The following SLC24A1 variants were observed in gnomAD, a reference collection of about 807,000 sequenced individuals.
The protein encoded by SLC24A1 is solute carrier family 24 member 1.
Under a neutral mutation model 88.1 loss-of-function variants are expected in SLC24A1, and 52 were observed. The ratio of observed to expected loss-of-function variants is 0.59; its 90% CI spans 0.47 to 0.74. The LOEUF (loss-of-function observed/expected upper bound fraction) is 0.74, where lower values mean the gene tolerates loss of function less well. Ranked by LOEUF, SLC24A1 falls within the 30% of genes least tolerant of loss-of-function variation. The pLI, the probability that SLC24A1 is intolerant of heterozygous loss-of-function variation, is 0.00. For synonymous variants in SLC24A1, 455 were observed against 498.0 expected (o/e 0.91, Z 1.15); for missense variants, 1,173 against 1,363.3 (o/e 0.86, Z 2.20).
Position 65,645,661 on chromosome 15 carries a change from T to A in SLC24A1, c.2190T>A (p.Val730=). The A allele has an allele frequency of 1.3e-6, 2 of 1,581,038 alleles. No individual in the cohort carries two copies. Among genetic ancestry groups the A allele is most frequent in the Non-Finnish European group, 1.7e-6 (2 of 1,163,414 alleles). ...CGGTCACGGTCACACCAGCCCCTGT[T>A]CCAGACATCAAGGGAGATCAGAAGG... The part of the protein sequence containing the change: ...LPAVTVTPAP[V]PDIKGDQKEN... The change falls in exon 6 of 10, where the codon GTT becomes GTA. Residue 730 remains valine, a synonymous_variant. Coordinates refer to ENST00000261892, the MANE Select transcript of SLC24A1 (RefSeq NM_004727.3).
chr15:65,642,781 GT>G (rs2075172774), intron 4 of SLC24A1: 3 of 345,088 alleles, frequency 8.7e-6, no homozygotes, highest in Middle Eastern at 1.0e-3. Context: ...CTAACTGAGA[GT>G]TTAGGAGACA....
At chr15:65,619,180 T>C (rs566517330), upstream of SLC24A1, among the ~76,000 whole-genome samples, 19 of 152,352 alleles carry the variant, frequency 1.2e-4, no homozygotes, top group Non-Finnish European at 8.8e-5. Flanking sequence ...TTTCCACAGA[T>C]TCTCTCACTG....
chr15:65,616,554 T>C (rs2074151795), intron 2 of SLC24A1, among the ~76,000 whole-genome samples: 1 of 152,248 alleles, frequency 6.6e-6, no homozygotes, highest in Non-Finnish European at 1.5e-5. Context: ...TTCATATCCT[T>C]TGCCCAGTTT....
chr15:65,656,469 C>T (rs1272750679), downstream of SLC24A1, among the ~76,000 whole-genome samples: 1 of 152,072 alleles, frequency 6.6e-6, no homozygotes, highest in Non-Finnish European at 1.5e-5. Flanking sequence ...TTGGTTATAC[C>T]TGGAAATTAA....
At chr15:65,632,213 CA>C (rs1289149505) in intron 2 of SLC24A1, among the ~76,000 whole-genome samples, 1 of 152,088 alleles carries the variant, frequency 6.6e-6, no homozygotes, top group African/African-American at 2.4e-5. Context: ...TGTAGGTGTG[CA>C]AGAGTGGAAG....
chr15:65,637,770 T>G (rs2074989545), intron 2 of SLC24A1, among the ~76,000 whole-genome samples: 1 of 152,050 alleles, frequency 6.6e-6, no homozygotes, highest in Admixed American at 6.6e-5. Flanking sequence ...AGGTGACACT[T>G]AAGTGGAGAC....
In SLC24A1 at chr15:65,625,380, C is replaced by T. The variant is rs1416069037; in HGVS notation, c.1300C>T (p.Leu434Phe). ...AGTGCTGCCTCCCAGCTTGCCAGACCTCCACCCCAAGGGAGAGTACCCCCC... is the reference window on the plus strand; with the variant it reads ...AGTGCTGCCTCCCAGCTTGCCAGACTTCCACCCCAAGGGAGAGTACCCCCC... ...PSVLPPSLPDLHPKGEYPPDL... is the reference protein window; with the variant it reads ...PSVLPPSLPDFHPKGEYPPDL... The change falls in exon 2 of 10, where the codon CTC becomes TTC. Residue 434 changes from leucine to phenylalanine, a missense_variant. Transcript: ENST00000261892. 1 of 1,614,048 alleles carries T rather than the reference C, an allele frequency of 6.2e-7. No individual in the cohort carries two copies. Among genetic ancestry groups the T allele is most frequent in the African/African-American group, 1.3e-5 (1 of 75,074 alleles).
At chr15:65,652,613 A>G in intron 8 of SLC24A1, 29 bp from the exon 9 acceptor site, 1 of 1,610,156 alleles carries the variant, frequency 6.2e-7, no homozygotes, top group Non-Finnish European at 8.5e-7. Context: ...CAGGTTTTTC[A>G]CCTACTGTTG....
intron 7 of SLC24A1, among the ~76,000 whole-genome samples, 178 bp downstream of exon 7, chr15:65,651,120 G>C (rs2075489867): frequency 6.6e-6 from 1 of 152,104 alleles, no homozygotes; most frequent in African/African-American, 2.4e-5. Context: ...GTGCTTAGGG[G>C]ACATACCACT....
Position 65,655,328 on chromosome 15 carries a change from C to A in SLC24A1, c.*1249C>A, listed in dbSNP as rs1196282925. ...TAGGATTATAAAGCAAGACTGATTT[C>A]TTCTGTGGTTTATGAATGGATCTTA... On this transcript the variant is annotated 3_prime_UTR_variant, in exon 10 of 10. Coordinates refer to ENST00000261892, the MANE Select transcript of SLC24A1 (RefSeq NM_004727.3). 11 of 985,126 alleles carry A rather than the reference C, an allele frequency of 1.1e-5. No individual in the cohort carries two copies. Among genetic ancestry groups the A allele is most frequent in the Non-Finnish European group, 1.3e-5 (11 of 829,770 alleles). The allele number at this position is 985,126 out of a possible 1,614,324, so 61.0% of individuals were successfully genotyped here.
In SLC24A1 at chr15:65,650,448, G is replaced by A; in HGVS notation, c.2299G>A (p.Gly767Ser). 2 of 1,551,740 alleles carry A rather than the reference G, an allele frequency of 1.3e-6. No individual in the cohort carries two copies. The highest frequency in any genetic ancestry group is 2.4e-5 in the South Asian group (2 of 84,058). ...PGEEGETAGE[G>S]ETEEKSGGET... is the part of the protein sequence containing the mutation. ...CGAAGAGGGCGAAACTGCTGGTGAAGGTGAAACTGAAGAGAAAAGTGGAGG... is the reference window on the plus strand; with the variant it reads ...CGAAGAGGGCGAAACTGCTGGTGAAAGTGAAACTGAAGAGAAAAGTGGAGG... The change falls in exon 7 of 10, where the codon GGT becomes AGT. Residue 767 changes from glycine (G) to serine (S), a missense_variant. Physicochemically the swap from Gly to Ser is moderately conservative, Grantham distance 56 (BLOSUM62 0). Coordinates refer to ENST00000261892, the MANE Select transcript of SLC24A1 (RefSeq NM_004727.3). The surrounding 1 kb of genome is among the most constrained non-coding windows in gnomAD (Gnocchi z 4.1).
At position 65,625,622 on chromosome 15, in the gene SLC24A1, C is replaced by T. The variant is rs372658740; in HGVS notation, c.1542C>T (p.Ile514=). The T allele has an allele frequency of 2.6e-4, 414 of 1,614,010 alleles. 3 individuals carry two copies. Among genetic ancestry groups the T allele is most frequent in the South Asian group, 1.1e-3 (103 of 91,086 alleles). ...GSAPELFTSL[I]GVFISHSNVG... ...CTCCTGAGCTCTTCACCTCCCTCAT[C>T]GGTGTCTTCATTTCCCACAGCAACG... The change falls in exon 2 of 10, where the codon ATC becomes ATT. Residue 514 remains isoleucine, a synonymous_variant. Transcript: ENST00000261892.
At chr15:65,643,032 T>C (rs1341379403) in intron 4 of SLC24A1, 2 of 1,289,120 alleles carry the variant, frequency 1.6e-6, no homozygotes. Flanking sequence ...TCAACTACTC[T>C]TGTCAATTTG....
Position 65,625,550 on chromosome 15 carries a change from C to T in SLC24A1, c.1470C>T (p.Ile490=). The T allele has an allele frequency of 6.2e-7, 1 of 1,614,046 alleles. No individual in the cohort carries two copies. The highest frequency in any genetic ancestry group is 8.5e-7 in the Non-Finnish European group (1 of 1,179,906). Residue 490 remains isoleucine (I), a synonymous_variant, in exon 2 of 10, where the codon ATC becomes ATT. Coordinates refer to ENST00000261892, the MANE Select transcript of SLC24A1 (RefSeq NM_004727.3). ...GTGTCATCACAGACAAGCTGCAGAT[C>T]TCCGAGGATGTGGCAGGCGCCACAT... The part of the protein sequence containing the change: ...ALGVITDKLQ[I]SEDVAGATFM...
upstream of SLC24A1, among the ~76,000 whole-genome samples, chr15:65,617,649 A>G (rs1178069765): frequency 6.6e-6 from 1 of 152,194 alleles, no homozygotes; most frequent in Admixed American, 6.5e-5. Context: ...GGTTTTCTAA[A>G]TATACAATCA....
rs764158828 is a variant in SLC24A1 at position 65,626,017 on chromosome 15, G to C, written c.1890+47G>C. 5.6e-6 allele frequency: 8 copies of C among 1,421,344 alleles called. No individual in the cohort carries two copies. In the African/African-American group the frequency reaches 1.1e-4, roughly 20 times the overall value. The allele number at this position is 1,421,344 out of a possible 1,614,324, so 88.0% of individuals were successfully genotyped here. A position where few individuals can be genotyped will look rare whatever the true frequency, so the allele number is the denominator to read the frequency against. On this transcript the variant is annotated intron_variant, in intron 2 of 9. Coordinates refer to ENST00000261892, the MANE Select transcript of SLC24A1 (RefSeq NM_004727.3). ...TTTCTCTAGCCCCTTTGAGATGAAA[G>C]GATGTGGCGAAGCCAGGACCTGAAG... is the stretch of plus-strand genomic sequence containing the variant.
Position 65,654,036 on chromosome 15 carries a change from T to G in SLC24A1, c.3257T>G (p.Val1086Gly). ...TACTTTGTATTCCTGATAATCAGTG[T>G]GATGTTAGAAGATCGAATCATATCC... ...LLYFVFLIIS[V>G]MLEDRIISCP... Residue 1086 changes from valine (V) to glycine (G), a missense_variant, in exon 10 of 10, where the codon GTG becomes GGG. Val to Gly is a moderately radical substitution (Grantham distance 109). Transcript: ENST00000261892. The G allele has an allele frequency of 6.2e-7, 1 of 1,613,944 alleles. No individual in the cohort carries two copies. The highest frequency in any genetic ancestry group is 8.5e-7 in the Non-Finnish European group (1 of 1,179,826).
downstream of SLC24A1, chr15:65,660,189 T>C (rs1377630905): frequency 1.2e-6 from 1 of 856,066 alleles, no homozygotes. Context: ...GGCAGATATA[T>C]GTGCCTAGCA....
chr15:65,616,111 C>A (rs1338237519), intron 2 of SLC24A1, among the ~76,000 whole-genome samples: 4 of 151,984 alleles, frequency 2.6e-5, no homozygotes, highest in Non-Finnish European at 5.9e-5. Context: ...GCCACATTTT[C>A]TTAATCCAGT....
Sources: gnomAD v4.1 joint callset for allele counts (sites outside exome capture counted in the v4.1 genomes callset) on GRCh38, gnomAD v4.1.1 for gene constraint, Gnocchi (gnomAD v3.1) non-coding constraint, MANE v1.5 for transcripts, NCBI Gene and HGNC (gene_info 2026-07-23, HGNC 2026-07-21) for gene names.